The following CELF4 variants were observed in gnomAD, a reference collection of about 807,000 sequenced individuals.
CELF4 encodes CUGBP Elav-like family member 4, also known as CUG-BP- and ETR-3-like factor 4.
Under a neutral mutation model 59.9 loss-of-function variants are expected in CELF4, and 18 were observed. The ratio of observed to expected loss-of-function variants is 0.30; its 90% CI spans 0.21 to 0.45. CELF4 has a LOEUF of 0.45. CELF4 is among the 20% of genes least tolerant of loss of function. CELF4 has a pLI of 1.00. For synonymous variants in CELF4, 261 were observed against 267.1 expected (o/e 0.98, Z 0.22); for missense variants, 456 against 689.0 (o/e 0.66, Z 3.79).
At chr18:37,394,942 C>T (rs1233285804) in intron 2 of CELF4, among the ~76,000 whole-genome samples, 1 of 81,268 alleles carries the variant, frequency 1.2e-5, no homozygotes, top group Admixed American at 1.6e-4. Flanking sequence ...ATGCCCAAGA[C>T]CCGCCCCCCA....
At chr18:37,327,283 G>A (rs1279298517) in intron 2 of CELF4, among the ~76,000 whole-genome samples, 2 of 152,174 alleles carry the variant, frequency 1.3e-5, no homozygotes, top group East Asian at 3.9e-4. Flanking sequence ...GGTGCAAGGG[G>A]CCCCTCCCTG....
At chr18:37,369,739 T>C (rs2098835775) in intron 2 of CELF4, among the ~76,000 whole-genome samples, 1 of 152,224 alleles carries the variant, frequency 6.6e-6, no homozygotes, top group South Asian at 2.1e-4. Context: ...CCAGTGACTC[T>C]CGTAGAATCA....
intron 3 of CELF4, among the ~76,000 whole-genome samples, chr18:37,313,832 C>T (rs969447146): frequency 3.9e-5 from 6 of 152,222 alleles, no homozygotes; most frequent in African/African-American, 1.2e-4. Flanking sequence ...TGGTGGGGAA[C>T]GTGGCCTCAG....
intron 2 of CELF4, among the ~76,000 whole-genome samples, chr18:37,434,935 C>T (rs1219147233): frequency 1.3e-5 from 2 of 152,254 alleles, no homozygotes; most frequent in East Asian, 3.9e-4. Flanking sequence ...TTCCCTATTG[C>T]AGGGGGAAAT....
At position 37,398,726 on chromosome 18, in the gene CELF4, G is replaced by A. The variant is rs116185503; in HGVS notation, c.370-76845C>T. 6.1e-3 allele frequency among the ~76,000 whole-genome samples: 927 copies of A among 152,282 alleles called. 16 individuals carry two copies. Among genetic ancestry groups the A allele is most frequent in the African/African-American group, 0.021 (891 of 41,548 alleles). ...GCCTTTGTTTCTCTCCAAGGCGTGG[G>A]GGTTCCGGAGAGTGGTGGAGCTTAG... On this transcript the variant is annotated intron_variant, in intron 2 of 12. Coordinates refer to ENST00000420428, the MANE Select transcript of CELF4 (RefSeq NM_020180.4).
chr18:37,459,073 C>T (rs765468580), intron 2 of CELF4, among the ~76,000 whole-genome samples: 19 of 152,170 alleles, frequency 1.2e-4, no homozygotes, highest in African/African-American at 1.7e-4. Context: ...CATTGCTTTC[C>T]GGGCTCATCG....
intron 2 of CELF4, among the ~76,000 whole-genome samples, chr18:37,344,229 G>A (rs1248668197): frequency 6.6e-6 from 1 of 152,244 alleles, no homozygotes; most frequent in African/African-American, 2.4e-5. Context: ...TCATTGAGGA[G>A]CACATTTCCC....
At chr18:37,535,896 G>T (rs16969046) in intron 1 of CELF4, among the ~76,000 whole-genome samples, 3,232 of 152,280 alleles carry the variant, frequency 0.021, 108 homozygotes, top group African/African-American at 0.074. Flanking sequence ...GGTTCCTCTA[G>T]TCTCGAGGGC....
At position 37,266,416 on chromosome 18, in the gene CELF4, ACT is replaced by A. The variant is rs567591845; in HGVS notation, c.1165+115_1165+116del. 1.2e-4 allele frequency: 127 copies of A among 1,071,934 alleles called. 1 individual carries two copies. In the African/African-American group the frequency reaches 1.5e-3, roughly 13 times the overall value. The allele number at this position is 1,071,934 out of a possible 1,614,324, so 66.4% of individuals were successfully genotyped here. A position where few individuals can be genotyped will look rare whatever the true frequency, so the allele number is the denominator to read the frequency against. ...TGCCAGCACAGCCCTCCCTCTTTCCACTCTCTCTCCCCACCCCATGCAGTGCT... is the reference window on the plus strand; with the variant it reads ...TGCCAGCACAGCCCTCCCTCTTTCCACTCTCTCCCCACCCCATGCAGTGCT... On this transcript the variant is annotated intron_variant, in intron 9 of 12. Coordinates refer to ENST00000420428, the MANE Select transcript of CELF4 (RefSeq NM_020180.4).
At chr18:37,415,534 T>C (rs2099520315) in intron 2 of CELF4, among the ~76,000 whole-genome samples, 1 of 152,130 alleles carries the variant, frequency 6.6e-6, no homozygotes, top group African/African-American at 2.4e-5. Flanking sequence ...CAGGTTTTTT[T>C]CCCCCCAATG....
intron 3 of CELF4, among the ~76,000 whole-genome samples, chr18:37,289,778 G>T (rs879853479): frequency 6.6e-6 from 1 of 152,210 alleles, no homozygotes; most frequent in Non-Finnish European, 1.5e-5. Flanking sequence ...AGTAAGTGGC[G>T]CAGGTGAGGC....
chr18:37,335,662 G>A (rs920478140), intron 2 of CELF4, among the ~76,000 whole-genome samples: 1 of 151,944 alleles, frequency 6.6e-6, no homozygotes, highest in Non-Finnish European at 1.5e-5. Context: ...GCCTGTGTCT[G>A]GGCAGGTGGC....
intron 2 of CELF4, among the ~76,000 whole-genome samples, chr18:37,462,568 C>T (rs1000494190): frequency 2.1e-4 from 32 of 152,184 alleles, no homozygotes; most frequent in African/African-American, 7.2e-4. Flanking sequence ...ATCCATGAGT[C>T]GCTGTTGCAG....
intron 1 of CELF4, among the ~76,000 whole-genome samples, chr18:37,515,870 G>T (rs959457146): frequency 6.6e-6 from 1 of 152,208 alleles, no homozygotes; most frequent in Non-Finnish European, 1.5e-5. Context: ...TGGGTGGAGG[G>T]CAAAGGCAGG....
At chr18:37,479,192 G>A (rs1469825096) in intron 2 of CELF4, among the ~76,000 whole-genome samples, 2 of 152,200 alleles carry the variant, frequency 1.3e-5, no homozygotes, top group Admixed American at 6.5e-5. Context: ...CCACCTACCC[G>A]GTGCTCACAC....
chr18:37,280,098 T>C (rs1326011900), intron 3 of CELF4, among the ~76,000 whole-genome samples: 1 of 152,136 alleles, frequency 6.6e-6, no homozygotes, highest in Non-Finnish European at 1.5e-5. Context: ...TCTTGGCTCT[T>C]TGTCCCCAGA....
intron 2 of CELF4, among the ~76,000 whole-genome samples, chr18:37,415,923 G>C (rs188399015): frequency 6.6e-6 from 1 of 152,302 alleles, no homozygotes; most frequent in East Asian, 1.9e-4. Flanking sequence ...ATTCATACAG[G>C]AGAACGAGGC....
intron 3 of CELF4, among the ~76,000 whole-genome samples, chr18:37,319,493 G>A (rs1913293675): frequency 6.6e-6 from 1 of 152,206 alleles, no homozygotes; most frequent in South Asian, 2.1e-4. Context: ...TGAGGTCCGG[G>A]TTGGGAGGGG....
intron 2 of CELF4, among the ~76,000 whole-genome samples, chr18:37,438,920 C>A (rs1396989804): frequency 6.6e-6 from 1 of 152,096 alleles, no homozygotes; most frequent in African/African-American, 2.4e-5. Context: ...GTGTTTTAAC[C>A]AGATATTCAG....
Sources: gnomAD v4.1 joint callset for allele counts (sites outside exome capture counted in the v4.1 genomes callset) on GRCh38, gnomAD v4.1.1 for gene constraint, MANE v1.5 for transcripts, NCBI Gene and HGNC (gene_info 2026-07-23, HGNC 2026-07-21) for gene names.